Variants in CACNA2D3 observed in about 807,000 individuals in gnomAD.
CACNA2D3 encodes voltage-dependent calcium channel subunit alpha-2/delta-3.
Under a neutral mutation model 160.6 loss-of-function variants are expected in CACNA2D3, and 60 were observed. The ratio of observed to expected loss-of-function variants is 0.37; its 90% CI spans 0.30 to 0.46. CACNA2D3 has a LOEUF of 0.46. Ranked by LOEUF, CACNA2D3 falls within the 20% of genes least tolerant of loss-of-function variation. The pLI is 1.00. For missense variants in CACNA2D3, 1,205 were observed against 1,365.0 expected (o/e 0.88, Z 1.85); for synonymous variants, 558 against 492.9 (o/e 1.13, Z -1.75).
chr3:54,788,916 C>G (rs1702691532), intron 13 of CACNA2D3, among the ~76,000 whole-genome samples: 1 of 152,026 alleles, frequency 6.6e-6, no homozygotes, highest in African/African-American at 2.4e-5. Context: ...TTCTTAGTAC[C>G]TGGTATGTAG....
At chr3:54,462,512 C>G (rs996173816) in intron 4 of CACNA2D3, among the ~76,000 whole-genome samples, 1 of 152,056 alleles carries the variant, frequency 6.6e-6, no homozygotes, top group Non-Finnish European at 1.5e-5. Context: ...TTGAATTGAT[C>G]CCTTTACCAT....
At chr3:54,244,256 C>T (rs890258794) in intron 2 of CACNA2D3, among the ~76,000 whole-genome samples, 4 of 152,068 alleles carry the variant, frequency 2.6e-5, no homozygotes, top group Non-Finnish European at 4.4e-5. Flanking sequence ...GGAAGCGCCC[C>T]GAATCTGTGG....
At chr3:54,668,468 G>A (rs1360831783) in intron 11 of CACNA2D3, among the ~76,000 whole-genome samples, 21 of 152,188 alleles carry the variant, frequency 1.4e-4, no homozygotes. Flanking sequence ...AGCATCCGTG[G>A]CCTTTTGCTG....
intron 4 of CACNA2D3, among the ~76,000 whole-genome samples, chr3:54,424,170 G>A (rs941327226): frequency 1.3e-5 from 2 of 152,102 alleles, no homozygotes; most frequent in Admixed American, 6.6e-5. Context: ...TTGAACAAGG[G>A]GCCCTGTATT....
chr3:54,153,064 A>G (rs530510740), intron 2 of CACNA2D3, among the ~76,000 whole-genome samples: 5 of 152,224 alleles, frequency 3.3e-5, no homozygotes, highest in African/African-American at 4.8e-5. Flanking sequence ...TTGGAGAAGA[A>G]TGCAAACAGA....
intron 11 of CACNA2D3, among the ~76,000 whole-genome samples, chr3:54,651,241 G>T (rs927814908): frequency 6.6e-6 from 1 of 152,090 alleles, no homozygotes; most frequent in Non-Finnish European, 1.5e-5. Flanking sequence ...GGAACTCGTT[G>T]ATCTTAGATT....
intron 29 of CACNA2D3, among the ~76,000 whole-genome samples, chr3:54,977,662 A>G (rs1702420872): frequency 6.6e-6 from 1 of 152,180 alleles, no homozygotes; most frequent in African/African-American, 2.4e-5. Context: ...TCTGTACTCA[A>G]CATGTATTTA....
At chr3:54,130,015 G>A (rs934197101) in intron 2 of CACNA2D3, among the ~76,000 whole-genome samples, 4 of 152,204 alleles carry the variant, frequency 2.6e-5, no homozygotes, top group Admixed American at 1.3e-4. Context: ...TTTGTTCAGC[G>A]TCTGGAATTT....
chr3:54,227,150 A>C (rs1701687925), intron 2 of CACNA2D3, among the ~76,000 whole-genome samples: 1 of 152,190 alleles, frequency 6.6e-6, no homozygotes, highest in Non-Finnish European at 1.5e-5. Context: ...AGAACAGTAC[A>C]AATGTTATGG....
Position 54,504,488 on chromosome 3 carries a change from G to A in CACNA2D3, c.544+834G>A, listed in dbSNP as rs1314202287. On this transcript the variant is annotated intron_variant, in intron 5 of 37. Transcript: ENST00000474759. The stretch of plus-strand genomic sequence containing the variant: ...TGGGGGTGGTTTTGAGGGCTAAATG[G>A]AATGATGTTTATAAAGGGTTTAAGT... Among the ~76,000 whole-genome samples, 5 of 152,138 alleles carry A rather than the reference G, an allele frequency of 3.3e-5. No individual in the cohort carries two copies. In the East Asian group the frequency reaches 5.8e-4, roughly 18 times the overall value.
chr3:54,177,348 C>G (rs1298455208), intron 2 of CACNA2D3, among the ~76,000 whole-genome samples: 1 of 152,154 alleles, frequency 6.6e-6, no homozygotes, highest in African/African-American at 2.4e-5. Context: ...CATTATTTTA[C>G]AAGAAGAATT....
intron 31 of CACNA2D3, among the ~76,000 whole-genome samples, chr3:54,993,900 G>GTGTC (rs1702795321): frequency 6.9e-6 from 1 of 145,754 alleles, no homozygotes; most frequent in Non-Finnish European, 1.5e-5. Flanking sequence ...GTGTGTGTGT[G>GTGTC]TGTGTGTGTG....
At chr3:54,334,068 T>A in intron 3 of CACNA2D3, among the ~76,000 whole-genome samples, 1 of 152,188 alleles carries the variant, frequency 6.6e-6, no homozygotes, top group East Asian at 1.9e-4. Context: ...CCCAGTCATT[T>A]GTTTTATGTG....
At chr3:54,794,695 T>A (rs895513975) in intron 13 of CACNA2D3, among the ~76,000 whole-genome samples, 2 of 152,044 alleles carry the variant, frequency 1.3e-5, no homozygotes, top group African/African-American at 4.8e-5. Context: ...TTTACAGTTG[T>A]TTTCTTATAA....
At chr3:54,957,438 C>T (rs1701927131) in intron 27 of CACNA2D3, among the ~76,000 whole-genome samples, 1 of 151,788 alleles carries the variant, frequency 6.6e-6, no homozygotes, top group African/African-American at 2.4e-5. Flanking sequence ...TGTGAGCCAC[C>T]ACACCCAACC....
intron 2 of CACNA2D3, among the ~76,000 whole-genome samples, chr3:54,200,493 T>C (rs1346120816): frequency 2.6e-5 from 4 of 152,212 alleles, no homozygotes; most frequent in Admixed American, 2.6e-4. Flanking sequence ...ATTTGTGAAG[T>C]GGAATAATTT....
intron 3 of CACNA2D3, among the ~76,000 whole-genome samples, chr3:54,329,121 G>A (rs146999065): frequency 1.3e-5 from 2 of 152,320 alleles, no homozygotes; most frequent in African/African-American, 2.4e-5. Context: ...AAGGTACTGT[G>A]TAGTTAAGTT....
intron 2 of CACNA2D3, among the ~76,000 whole-genome samples, chr3:54,276,734 T>C (rs1229420684): frequency 6.6e-6 from 1 of 151,386 alleles, no homozygotes; most frequent in Non-Finnish European, 1.5e-5. Context: ...GGAGAGAGGA[T>C]GGTAAAGAAG....
At chr3:54,492,217 C>CCTT (rs1284399041) in intron 4 of CACNA2D3, among the ~76,000 whole-genome samples, 1 of 152,160 alleles carries the variant, frequency 6.6e-6, no homozygotes, top group Non-Finnish European at 1.5e-5. Flanking sequence ...GAGAGGAACT[C>CCTT]TGAAGGCAAG....
Sources: allele counts gnomAD v4.1 joint callset (sites outside exome capture counted in the v4.1 genomes callset), GRCh38; gene constraint gnomAD v4.1.1; transcripts MANE v1.5; gene names NCBI Gene and HGNC (gene_info 2026-07-23, HGNC 2026-07-21).